The following SORCS3 variants were observed in gnomAD, a reference collection of about 807,000 sequenced individuals.
SORCS3 encodes VPS10 domain-containing receptor SorCS3.
Under a neutral mutation model 146.3 loss-of-function variants are expected in SORCS3, and 57 were observed. The ratio of observed to expected loss-of-function variants is 0.39; its 90% CI spans 0.31 to 0.49. SORCS3 has a LOEUF of 0.49. Among genes scored for constraint, SORCS3 ranks in the 20% least tolerant of loss-of-function variants. The pLI is 0.92. For synonymous variants in SORCS3, 653 were observed against 618.5 expected (o/e 1.06, Z -0.83); for missense variants, 1,341 against 1,575.5 (o/e 0.85, Z 2.52).
At chr10:105,061,885 T>A (rs1253208534) in intron 5 of SORCS3, among the ~76,000 whole-genome samples, 1 of 152,096 alleles carries the variant, frequency 6.6e-6, no homozygotes, top group Non-Finnish European at 1.5e-5. Flanking sequence ...AGATGTGGGC[T>A]GCCACCAGGG....
chr10:105,256,837 G>T lies in SORCS3; in HGVS notation c.3356G>T (p.Ser1119Ile). Residue 1119 changes from serine (S) to isoleucine (I), a missense_variant, in exon 25 of 27, where the codon AGT (serine) becomes ATT (isoleucine). Coordinates refer to ENST00000369701, the MANE Select transcript of SORCS3 (RefSeq NM_014978.3). ...QLTLAPLVDS[S>I]AGHSSSAMLM... Reference sequence around the variant, plus strand: ...TTCCAAGCTCCATTGGTGGACTCCAGTGCTGGGCACAGCAGCTCAGCCATG... The same window carrying T: ...TTCCAAGCTCCATTGGTGGACTCCATTGCTGGGCACAGCAGCTCAGCCATG... 1 of 1,614,044 alleles carries T rather than the reference G, an allele frequency of 6.2e-7. No individual in the cohort carries two copies. Among genetic ancestry groups the T allele is most frequent in the Non-Finnish European group, 8.5e-7 (1 of 1,179,876 alleles).
chr10:104,989,301 C>T (rs1331251868), intron 4 of SORCS3, among the ~76,000 whole-genome samples: 1 of 152,174 alleles, frequency 6.6e-6, no homozygotes, highest in African/African-American at 2.4e-5. Context: ...ATGTATCACT[C>T]AGATTATGCG....
chr10:105,215,355 T>C lies in SORCS3; in HGVS notation c.2547+742T>C, dbSNP rs147526482. Among the ~76,000 whole-genome samples the C allele has an allele frequency of 1.8e-3, 267 of 152,328 alleles. 1 individual carries two copies. The highest frequency in any genetic ancestry group is 0.014 in the South Asian group (66 of 4,834). ...ATTGACACAGCCCTCTAAATTTATA[T>C]GCAAATTGCTCTGTGCTCTTGAGAT... is the stretch of plus-strand genomic sequence containing the variant. On this transcript the variant is annotated intron_variant, in intron 18 of 26. Transcript: ENST00000369701.
intron 2 of SORCS3, among the ~76,000 whole-genome samples, chr10:104,844,284 C>T (rs898855320): frequency 1.3e-5 from 2 of 152,108 alleles, no homozygotes; most frequent in Non-Finnish European, 2.9e-5. Context: ...AGCCCAAGCA[C>T]AATGATGCTG....
chr10:104,868,295 C>T (rs985362128), intron 2 of SORCS3, among the ~76,000 whole-genome samples: 3 of 152,168 alleles, frequency 2.0e-5, no homozygotes, highest in Admixed American at 2.0e-4. Flanking sequence ...CATTGAGAAA[C>T]ACCACATGGC....
chr10:104,909,669 C>T (rs559612803), intron 2 of SORCS3, among the ~76,000 whole-genome samples: 7 of 151,978 alleles, frequency 4.6e-5, no homozygotes, highest in Non-Finnish European at 8.8e-5. Context: ...CAGATGGCCC[C>T]GTGAGAGCTG....
chr10:104,693,323 G>C (rs2016136394), intron 1 of SORCS3, among the ~76,000 whole-genome samples: 1 of 152,148 alleles, frequency 6.6e-6, no homozygotes, highest in South Asian at 2.1e-4. Context: ...GGGTGAGCTG[G>C]CATTTCAGCA....
At chr10:104,937,205 G>A (rs2019268637) in intron 3 of SORCS3, among the ~76,000 whole-genome samples, 1 of 152,218 alleles carries the variant, frequency 6.6e-6, no homozygotes, top group Non-Finnish European at 1.5e-5. Context: ...AGCTCAGGCA[G>A]TAATGTTGGC....
At chr10:105,010,365 C>T (rs2055127140) in intron 4 of SORCS3, among the ~76,000 whole-genome samples, 1 of 152,186 alleles carries the variant, frequency 6.6e-6, no homozygotes, top group Admixed American at 6.5e-5. Flanking sequence ...GATGGAATCT[C>T]AGTTAGACAA....
In SORCS3 at chr10:104,946,266, C is replaced by T. The variant is rs79571628; in HGVS notation, c.795+30334C>T. ...AGAATAAAGAGTTGCAAATACAGGA[C>T]GGCTGTTCTTGTTTCTGCTTTGGTG... On this transcript the variant is annotated intron_variant, in intron 3 of 26. Coordinates refer to ENST00000369701, the MANE Select transcript of SORCS3 (RefSeq NM_014978.3). Among the ~76,000 whole-genome samples, 132 of 151,892 alleles carry T rather than the reference C, an allele frequency of 8.7e-4. 1 individual carries two copies. Among genetic ancestry groups the T allele is most frequent in the Non-Finnish European group, 1.4e-3 (94 of 67,980 alleles).
At chr10:104,767,930 T>C (rs1174116719) in intron 1 of SORCS3, among the ~76,000 whole-genome samples, 1 of 151,830 alleles carries the variant, frequency 6.6e-6, no homozygotes, top group Admixed American at 6.6e-5. Context: ...CTTTGAATAG[T>C]TTTACTGTAG....
Position 105,100,209 on chromosome 10 carries a change from G to A in SORCS3, c.1094-5188G>A, listed in dbSNP as rs185926060. On this transcript the variant is annotated intron_variant, in intron 6 of 26. Transcript: ENST00000369701. Reference sequence around the variant, plus strand: ...CAGGGAACAAAGCCTTTGACTTTTCGTTTTTGTAAGTGGAGCAGTGACCAC... The same window carrying A: ...CAGGGAACAAAGCCTTTGACTTTTCATTTTTGTAAGTGGAGCAGTGACCAC... Among the ~76,000 whole-genome samples the A allele has an allele frequency of 1.4e-4, 21 of 152,206 alleles. No homozygotes were observed. The East Asian group carries it at 2.1e-3, about 15-fold the overall frequency.
chr10:104,998,423 T>C (rs1202505624), intron 4 of SORCS3, among the ~76,000 whole-genome samples: 1 of 152,146 alleles, frequency 6.6e-6, no homozygotes, highest in Non-Finnish European at 1.5e-5. Flanking sequence ...TCTCTGCTTG[T>C]CATAAACCAG....
intron 2 of SORCS3, among the ~76,000 whole-genome samples, chr10:104,908,963 G>A (rs1265954119): frequency 6.6e-6 from 1 of 152,152 alleles, no homozygotes; most frequent in Non-Finnish European, 1.5e-5. Context: ...ATGCTCTAGG[G>A]TATCAGAGAT....
chr10:105,204,668 C>T (rs1269330231), intron 16 of SORCS3, among the ~76,000 whole-genome samples: 3 of 151,246 alleles, frequency 2.0e-5, no homozygotes, highest in Non-Finnish European at 2.9e-5. Flanking sequence ...AGGCCAGATG[C>T]TCAGTTTGTG....
chr10:104,819,065 G>A (rs1305092356), intron 1 of SORCS3, among the ~76,000 whole-genome samples: 1 of 152,164 alleles, frequency 6.6e-6, no homozygotes, highest in Non-Finnish European at 1.5e-5. Flanking sequence ...TGATGGAAAT[G>A]TGATTGGAGA....
rs181316988 is a variant in SORCS3, at chr10:104,840,415, A to G, written c.628-2377A>G. Among the ~76,000 whole-genome samples the G allele has an allele frequency of 9.2e-4, 140 of 152,242 alleles. 1 individual carries two copies. The highest frequency in any genetic ancestry group is 3.3e-3 in the African/African-American group (139 of 41,556). Reference sequence around the variant, plus strand: ...TCTAGTTTCTGTTTTTGGTGCTTCAACATTCCCCGGTTTTCCCTGCATTCC... The same window carrying G: ...TCTAGTTTCTGTTTTTGGTGCTTCAGCATTCCCCGGTTTTCCCTGCATTCC... On this transcript the variant is annotated intron_variant, in intron 1 of 26. Coordinates refer to ENST00000369701, the MANE Select transcript of SORCS3 (RefSeq NM_014978.3).
intron 2 of SORCS3, among the ~76,000 whole-genome samples, chr10:104,905,271 CT>C (rs2018893756): frequency 6.6e-6 from 1 of 152,176 alleles, no homozygotes; most frequent in East Asian, 1.9e-4. Context: ...GATGAAGTTA[CT>C]ATAGTGTTAG....
chr10:104,645,171 T>C (rs2015475854), intron 1 of SORCS3, among the ~76,000 whole-genome samples: 1 of 152,210 alleles, frequency 6.6e-6, no homozygotes, highest in African/African-American at 2.4e-5. Context: ...GTGAGTGGAC[T>C]TGGCCTTGGA....
Sources: gnomAD v4.1 joint callset for allele counts (sites outside exome capture counted in the v4.1 genomes callset) on GRCh38, gnomAD v4.1.1 for gene constraint, MANE v1.5 for transcripts, NCBI Gene and HGNC (gene_info 2026-07-23, HGNC 2026-07-21) for gene names.